The following INPP5F variants were observed in gnomAD, a reference collection of about 807,000 sequenced individuals.
INPP5F encodes inositol polyphosphate-5-phosphatase F, also known as phosphatidylinositide 4-phosphatase SAC2.
A neutral mutation model predicts 137.2 loss-of-function variants in INPP5F; 97 were observed. The observed-to-expected ratio is 0.71, with a 90% CI of 0.60 to 0.84. The LOEUF (loss-of-function observed/expected upper bound fraction) is 0.84. Ranked by LOEUF, INPP5F falls within the 40% of genes least tolerant of loss-of-function variation. INPP5F has a pLI of 0.00. For synonymous variants in INPP5F, 504 were observed against 476.9 expected (o/e 1.06, Z -0.74); for missense variants, 1,271 against 1,371.9 (o/e 0.93, Z 1.16).
At chr10:119,741,255 C>T (rs1269661746) in intron 1 of INPP5F, among the ~76,000 whole-genome samples, 8 of 152,192 alleles carry the variant, frequency 5.3e-5, no homozygotes, top group Admixed American at 5.2e-4. Flanking sequence ...CAGGCCCCTT[C>T]ATGTTCATCC....
Position 119,791,369 on chromosome 10 carries a change from C to G in INPP5F, c.316-148C>G, listed in dbSNP as rs965014516. 6.0e-6 allele frequency: 4 copies of G among 669,038 alleles called. No individual in the cohort carries two copies. In the Admixed American group the frequency reaches 9.5e-5, roughly 16 times the overall value. The allele number at this position is 669,038 out of a possible 1,614,324, so 41.4% of individuals were successfully genotyped here. ...TCTCATCATGGGACTCATAGTTGTG[C>G]TTGCCATCAATTGTCTACTTGATAA... On this transcript the variant is annotated intron_variant, in intron 3 of 19. Coordinates refer to ENST00000650623, the MANE Select transcript of INPP5F (RefSeq NM_014937.4).
intron 2 of INPP5F, among the ~76,000 whole-genome samples, chr10:119,770,625 A>T (rs554026340): frequency 6.6e-6 from 1 of 152,110 alleles, no homozygotes; most frequent in African/African-American, 2.4e-5. Flanking sequence ...AGAGATTGCT[A>T]TTATTTTCTG....
At chr10:119,761,070 A>AAG (rs1319811677) in intron 2 of INPP5F, among the ~76,000 whole-genome samples, 2 of 152,196 alleles carry the variant, frequency 1.3e-5, no homozygotes, top group Non-Finnish European at 2.9e-5. Flanking sequence ...TTATAGTTAC[A>AAG]AGAGTTTATA....
chr10:119,813,608 G>C (rs966101833), intron 15 of INPP5F, among the ~76,000 whole-genome samples: 10 of 152,036 alleles, frequency 6.6e-5, no homozygotes, highest in African/African-American at 2.2e-4. Context: ...CTGGGTGACA[G>C]AGTGAGACCC....
intron 16 of INPP5F, among the ~76,000 whole-genome samples, chr10:119,821,930 A>G (rs1030659501): frequency 2.1e-4 from 27 of 130,500 alleles, no homozygotes; most frequent in Non-Finnish European, 3.7e-4. Flanking sequence ...GTGCAATGGC[A>G]TGATCTCTGC....
chr10:119,762,458 A>G (rs1427930279), intron 2 of INPP5F, among the ~76,000 whole-genome samples: 1 of 152,142 alleles, frequency 6.6e-6, no homozygotes, highest in Non-Finnish European at 1.5e-5. Flanking sequence ...ATCATCTACC[A>G]AAGGCCCCAC....
chr10:119,823,728 TTTCA>T (rs1205407571), intron 18 of INPP5F, 83 bp from the exon 19 acceptor site: 10 of 934,070 alleles, frequency 1.1e-5, no homozygotes, highest in Non-Finnish European at 1.6e-5. Context: ...CGACGACAAA[TTTCA>T]TTCAGCGCTA....
At chr10:119,793,170 T>C (rs1850208698) in intron 6 of INPP5F, among the ~76,000 whole-genome samples, 1 of 152,238 alleles carries the variant, frequency 6.6e-6, no homozygotes, top group Non-Finnish European at 1.5e-5. Flanking sequence ...GCCGAGTTTT[T>C]GTCAGAATGC....
chr10:119,828,735 CTG>C lies in INPP5F; in HGVS notation c.*959_*960del, dbSNP rs1244741093. The C allele has an allele frequency of 6.6e-6, 1 of 152,234 alleles. No homozygotes were observed. The highest frequency in any genetic ancestry group is 1.5e-5 in the Non-Finnish European group (1 of 68,088). The allele number at this position is 152,234 out of a possible 1,614,324, so 9.4% of individuals were successfully genotyped here. A position where few individuals can be genotyped will look rare whatever the true frequency, so the allele number is the denominator to read the frequency against. ...ATTAGCTGGGCATAGTGGTGCATGC[CTG>C]TGTTTCTAGCTACGCAGGAGGATTG... is the stretch of plus-strand genomic sequence containing the variant. On this transcript the variant is annotated 3_prime_UTR_variant, in exon 20 of 20. Coordinates refer to ENST00000650623, the MANE Select transcript of INPP5F (RefSeq NM_014937.4).
rs1455080627 is a variant in INPP5F, at chr10:119,828,481, T to C, written c.*701T>C. On this transcript the variant is annotated 3_prime_UTR_variant, in exon 20 of 20. Transcript: ENST00000650623. ...CACCTATTAGGTTTCATTTTGCTGT[T>C]TTCAGGAATGTAAGAACACCCATAT... 6.6e-6 allele frequency: 1 copy of C among 152,156 alleles called. No individual in the cohort carries two copies. Among genetic ancestry groups the C allele is most frequent in the Non-Finnish European group, 1.5e-5 (1 of 68,048 alleles). 9.4% of individuals were successfully genotyped at this position (152,156 alleles called of 1,614,324 possible). A position where few individuals can be genotyped will look rare whatever the true frequency, so the allele number is the denominator to read the frequency against.
intron 2 of INPP5F, among the ~76,000 whole-genome samples, chr10:119,752,585 CAAA>C (rs1295801342): frequency 9.8e-5 from 6 of 61,486 alleles, no homozygotes; most frequent in Admixed American, 3.8e-4. Context: ...AACTCCATCT[CAAA>C]AAAAAAAAAA....
rs574616580 is a variant in INPP5F at position 119,784,819 on chromosome 10, G to A, written c.315+3048G>A. ...ATTTTAGAACCTTTCATCATCCCCC[G>A]AAAAAACCCTGTCTTCGTTAGCAGC... On this transcript the variant is annotated intron_variant, in intron 3 of 19. Coordinates refer to ENST00000650623, the MANE Select transcript of INPP5F (RefSeq NM_014937.4). Among the ~76,000 whole-genome samples the A allele has an allele frequency of 3.3e-5, 5 of 152,094 alleles. No homozygotes were observed. In the South Asian group the frequency reaches 6.2e-4, roughly 19 times the overall value.
chr10:119,771,923 T>G (rs1488865813), intron 2 of INPP5F, among the ~76,000 whole-genome samples: 1 of 115,556 alleles, frequency 8.7e-6, no homozygotes, highest in African/African-American at 3.3e-5. Flanking sequence ...TGAGATGGAG[T>G]CTCACTCTGT....
chr10:119,750,999 A>C (rs1848676053), intron 1 of INPP5F, 77 bp from the exon 2 acceptor site: 1 of 942,636 alleles, frequency 1.1e-6, no homozygotes, highest in Admixed American at 2.0e-5. Context: ...ATTTTTTTTC[A>C]ATACACTGCT....
chr10:119,820,804 T>C, intron 15 of INPP5F, 42 bp from the exon 16 acceptor site: 2 of 1,490,798 alleles, frequency 1.3e-6, no homozygotes, highest in Non-Finnish European at 1.9e-6. Context: ...AAAATGCAGA[T>C]GGAAATGAAA....
chr10:119,780,858 A>G (rs1849676476), intron 2 of INPP5F, among the ~76,000 whole-genome samples: 1 of 152,224 alleles, frequency 6.6e-6, no homozygotes, highest in Non-Finnish European at 1.5e-5. Flanking sequence ...GAGGATGTGC[A>G]TAGGTTATAT....
intron 1 of INPP5F, among the ~76,000 whole-genome samples, chr10:119,744,113 C>G (rs570845509): frequency 6.6e-6 from 1 of 152,174 alleles, no homozygotes; most frequent in East Asian, 1.9e-4. Context: ...TTTGTTTTCT[C>G]TTCTATTCTG....
intron 2 of INPP5F, among the ~76,000 whole-genome samples, chr10:119,754,758 CCTTA>C (rs1165986649): frequency 1.3e-5 from 2 of 151,994 alleles, no homozygotes; most frequent in Non-Finnish European, 2.9e-5. Context: ...TGAGCACCCA[CCTTA>C]CTTACTCTCC....
intron 2 of INPP5F, among the ~76,000 whole-genome samples, chr10:119,774,495 GT>G (rs35483953): frequency 0.056 from 8,140 of 145,120 alleles, 288 homozygotes; most frequent in South Asian, 0.22. Flanking sequence ...TGTTCGTTTT[GT>G]TTTTTTTTTT....
Sources: allele counts gnomAD v4.1 joint callset (sites outside exome capture counted in the v4.1 genomes callset), GRCh38; gene constraint gnomAD v4.1.1; transcripts MANE v1.5; gene names NCBI Gene and HGNC (gene_info 2026-07-23, HGNC 2026-07-21).